The following PTPN11 variants were observed in gnomAD, a reference collection of about 807,000 sequenced individuals.
The protein encoded by PTPN11 is tyrosine-protein phosphatase non-receptor type 11.
Under a neutral mutation model 78.8 loss-of-function variants are expected in PTPN11, and 6 were observed. The ratio of observed to expected loss-of-function variants is 0.08; its 90% CI spans 0.04 to 0.15. The LOEUF is 0.15. PTPN11 is among the 10% of genes least tolerant of loss of function. The pLI, the probability that PTPN11 is intolerant of heterozygous loss-of-function variation, is 1.00. For synonymous variants in PTPN11, 221 were observed against 263.5 expected (o/e 0.84, Z 1.56); for missense variants, 386 against 744.8 (o/e 0.52, Z 5.61).
chr12:112,454,911 C>G (rs1286531971), intron 5 of PTPN11: 1 of 550,616 alleles, frequency 1.8e-6, no homozygotes, highest in African/African-American at 1.9e-5. Context: ...CCTCTGCTTC[C>G]TGGGTTCAAG....
Position 112,446,357 on chromosome 12 carries a change from G to A in PTPN11, c.96G>A (p.Arg32=). 1.2e-6 allele frequency: 2 copies of A among 1,614,136 alleles called. No individual in the cohort carries two copies. Among genetic ancestry groups the A allele is most frequent in the Non-Finnish European group, 1.7e-6 (2 of 1,180,006 alleles). Residue 32 remains arginine (R), a synonymous_variant, in exon 2 of 16, where the codon AGG becomes AGA. Coordinates refer to ENST00000351677, the MANE Select transcript of PTPN11 (RefSeq NM_002834.5). ...TRGVDGSFLA[R]PSKSNPGDFT... is the part of the protein sequence containing the mutation. ...GAGTTGATGGCAGTTTTTTGGCAAG[G>A]CCTAGTAAAAGTAACCCTGGAGACT...
intron 6 of PTPN11, among the ~76,000 whole-genome samples, chr12:112,464,916 A>C (rs1241643873): frequency 2.0e-5 from 3 of 152,176 alleles, no homozygotes; most frequent in Admixed American, 1.3e-4. Flanking sequence ...CTGTGTAAAT[A>C]TCTCTCACTT....
chr12:112,466,659 T>C (rs889160401), intron 6 of PTPN11, among the ~76,000 whole-genome samples: 1 of 152,206 alleles, frequency 6.6e-6, no homozygotes, highest in African/African-American at 2.4e-5. Context: ...GCCGTATCTT[T>C]GTCTTAAAAA....
At chr12:112,457,180 A>C in intron 6 of PTPN11, 1 of 348,342 alleles carries the variant, frequency 2.9e-6, no homozygotes. Context: ...AGGGTGAGGC[A>C]GGTGGACCAC....
chr12:112,489,370 A>G (rs774445420), intron 13 of PTPN11, among the ~76,000 whole-genome samples, 195 bp downstream of exon 13: 1 of 152,200 alleles, frequency 6.6e-6, no homozygotes, highest in African/African-American at 2.4e-5. Flanking sequence ...TTCACTGCAG[A>G]GGAGCTTAGG....
chr12:112,477,973 C>T lies in PTPN11; in HGVS notation c.1050C>T (p.Ser350=). 6.2e-7 allele frequency: 1 copy of T among 1,614,032 alleles called. No homozygotes were observed. Residue 350 remains serine (S), a synonymous_variant, in exon 9 of 16, where the codon TCC becomes TCT. Transcript: ENST00000351677. The part of the protein sequence containing the change: ...DFWRMVFQEN[S]RVIVMTTKEV... ...GGCGGATGGTGTTCCAAGAAAACTC[C>T]CGAGTGATTGTCATGACAACGAAAG...
At chr12:112,473,062 A>G in intron 7 of PTPN11, 22 bp downstream of exon 7, 1 of 1,536,678 alleles carries the variant, frequency 6.5e-7, no homozygotes, top group Non-Finnish European at 9.0e-7. Flanking sequence ...TATTCCGCTC[A>G]GTAATAGTCA....
intron 6 of PTPN11, among the ~76,000 whole-genome samples, chr12:112,465,641 C>T (rs1250486667): frequency 1.3e-5 from 2 of 152,116 alleles, no homozygotes; most frequent in East Asian, 3.9e-4. Flanking sequence ...TATCCTTGCT[C>T]TCCATACACC....
intron 6 of PTPN11, among the ~76,000 whole-genome samples, chr12:112,457,899 C>T (rs760684456): frequency 3.9e-5 from 6 of 152,204 alleles, no homozygotes; most frequent in East Asian, 3.8e-4. Context: ...GCATGTAGCA[C>T]GGTGCCTAGT....
chr12:112,446,137 G>A lies in PTPN11; in HGVS notation c.15-139G>A. On this transcript the variant is annotated intron_variant, in intron 1 of 15. Coordinates refer to ENST00000351677, the MANE Select transcript of PTPN11 (RefSeq NM_002834.5). Reference sequence around the variant, plus strand: ...GAGGCATTGACCAAGGAGAAGAGGGGGAAGGGACAGGGAAGGTCTTGATTT... The same window carrying A: ...GAGGCATTGACCAAGGAGAAGAGGGAGAAGGGACAGGGAAGGTCTTGATTT... 3 of 1,054,028 alleles carry A rather than the reference G, an allele frequency of 2.8e-6. No homozygotes were observed. The South Asian group carries it at 4.2e-5, about 15-fold the overall frequency. 65.3% of individuals were successfully genotyped at this position (1,054,028 alleles called of 1,614,324 possible).
chr12:112,444,936 T>C (rs1053959777), intron 1 of PTPN11, among the ~76,000 whole-genome samples: 1 of 152,124 alleles, frequency 6.6e-6, no homozygotes, highest in South Asian at 2.1e-4. Context: ...GTTCCTTTCA[T>C]TGGAGAATGG....
At chr12:112,471,679 A>C (rs2038420433) in intron 6 of PTPN11, among the ~76,000 whole-genome samples, 1 of 151,686 alleles carries the variant, frequency 6.6e-6, no homozygotes, top group South Asian at 2.1e-4. Context: ...GGGAAAAAAA[A>C]AACAAGAAAA....
chr12:112,474,575 A>G (rs1167706120), intron 7 of PTPN11, among the ~76,000 whole-genome samples: 2 of 151,576 alleles, frequency 1.3e-5, no homozygotes, highest in African/African-American at 4.9e-5. Context: ...TCATGAGGAA[A>G]AAAGGCCTGG....
intron 12 of PTPN11, 91 bp from the exon 13 acceptor site, chr12:112,488,933 A>T: frequency 6.5e-7 from 1 of 1,526,824 alleles, no homozygotes; most frequent in Non-Finnish European, 9.1e-7. Flanking sequence ...CTAAATTAGC[A>T]TTGTCTCTGA....
chr12:112,446,977 C>T (rs1237885287), intron 2 of PTPN11, among the ~76,000 whole-genome samples: 25 of 151,890 alleles, frequency 1.6e-4, no homozygotes, highest in Non-Finnish European at 2.8e-4. Flanking sequence ...GTGATCCTCC[C>T]GCCTCAGCCT....
intron 6 of PTPN11, among the ~76,000 whole-genome samples, chr12:112,459,692 TC>T (rs2038219163): frequency 6.6e-6 from 1 of 152,092 alleles, no homozygotes. Context: ...GGTCTCAAAC[TC>T]CTGACCTCAG....
intron 1 of PTPN11, among the ~76,000 whole-genome samples, chr12:112,426,003 T>C (rs1373253288): frequency 6.6e-6 from 1 of 152,178 alleles, no homozygotes; most frequent in Non-Finnish European, 1.5e-5. Context: ...TAAACCTCCT[T>C]TCTCAGTATA....
chr12:112,419,153 G>C, intron 1 of PTPN11, 28 bp downstream of exon 1: 1 of 1,494,366 alleles, frequency 6.7e-7, no homozygotes, highest in Non-Finnish European at 8.9e-7. Context: ...GCCCGGCGCG[G>C]GCCTCGGCCC....
intron 13 of PTPN11, among the ~76,000 whole-genome samples, chr12:112,493,384 T>C (rs2038777277): frequency 7.9e-6 from 1 of 126,974 alleles, no homozygotes; most frequent in Non-Finnish European, 1.6e-5. Flanking sequence ...TAAGTGTACA[T>C]TTTTTTTTTT....
Sources: allele counts gnomAD v4.1 joint callset (sites outside exome capture counted in the v4.1 genomes callset), GRCh38; gene constraint gnomAD v4.1.1; transcripts MANE v1.5; gene names NCBI Gene and HGNC (gene_info 2026-07-23, HGNC 2026-07-21).